Variants in MACF1 observed in about 807,000 individuals in gnomAD.
MACF1 encodes microtubule-actin cross-linking factor 1.
A neutral mutation model predicts 854.8 loss-of-function variants in MACF1; 193 were observed. The observed-to-expected ratio is 0.23, with a 90% CI of 0.20 to 0.25. MACF1 has a LOEUF of 0.25. Ranked by LOEUF, MACF1 falls within the 10% of genes least tolerant of loss-of-function variation. The pLI, the probability that MACF1 is intolerant of heterozygous loss-of-function variation, is 1.00. For missense variants in MACF1, 7,722 were observed against 8,929.1 expected (o/e 0.86, Z 5.45); for synonymous variants, 3,185 against 3,226.7 (o/e 0.99, Z 0.44).
At chr1:39,377,505 A>G (rs1649824820) in intron 52 of MACF1, among the ~76,000 whole-genome samples, 1 of 152,150 alleles carries the variant, frequency 6.6e-6, no homozygotes, top group African/African-American at 2.4e-5. Context: ...GGGAGAATGT[A>G]TGTGAAATTA....
In MACF1 at chr1:39,105,785, G is replaced by T. The variant is rs1009129922; in HGVS notation, c.220+21347G>T. ...GCAGCGTGGCCTTCGGAGCCGGTCG[G>T]CTCGGCGGCTGCAGGTGGGGCGGCC... On this transcript the variant is annotated intron_variant, in intron 2 of 93. Transcript: ENST00000361689. This position sits in a 1 kb window ranked among gnomAD's most constrained non-coding sequence, Gnocchi z 5.9. 1 of 1,014,204 alleles carries T rather than the reference G, an allele frequency of 9.9e-7. No individual in the cohort carries two copies. Among genetic ancestry groups the T allele is most frequent in the African/African-American group, 1.7e-5 (1 of 57,416 alleles). 62.8% of individuals were successfully genotyped at this position (1,014,204 alleles called of 1,614,324 possible).
At chr1:39,375,234 AACTT>A (rs1239165536) in intron 52 of MACF1, among the ~76,000 whole-genome samples, 4 of 152,178 alleles carry the variant, frequency 2.6e-5, no homozygotes, top group African/African-American at 9.7e-5. Flanking sequence ...TATTGAGACT[AACTT>A]AACGAATATA....
intron 40 of MACF1, among the ~76,000 whole-genome samples, chr1:39,341,702 A>G (rs1646939335): frequency 6.6e-6 from 1 of 151,774 alleles, no homozygotes; most frequent in Non-Finnish European, 1.5e-5. Flanking sequence ...CCGTCTTAAA[A>G]TAAAAAAAAT....
intron 2 of MACF1, among the ~76,000 whole-genome samples, chr1:39,187,878 C>CTG (rs1354060649): frequency 2.3e-4 from 18 of 77,010 alleles, no homozygotes; most frequent in African/African-American, 7.5e-4. Flanking sequence ...CTCTCTCTCT[C>CTG]TCTGTCTCTC....
At chr1:39,272,135 T>G (rs1318679971) in intron 6 of MACF1, among the ~76,000 whole-genome samples, 1 of 152,310 alleles carries the variant, frequency 6.6e-6, no homozygotes, top group East Asian at 1.9e-4. Flanking sequence ...CCAGGTTTTG[T>G]GTCCATCATG....
intron 2 of MACF1, among the ~76,000 whole-genome samples, chr1:39,242,578 AT>A (rs1460771673): frequency 1.3e-5 from 2 of 151,848 alleles, no homozygotes; most frequent in African/African-American, 4.8e-5. Context: ...GCAAAACCCC[AT>A]CTCTACAAAG....
intron 26 of MACF1, among the ~76,000 whole-genome samples, chr1:39,314,819 A>G (rs935477098): frequency 9.2e-5 from 14 of 152,218 alleles, no homozygotes; most frequent in Middle Eastern, 3.2e-3. Context: ...CTACCAAACT[A>G]GAGTTTAACA....
chr1:39,466,848 G>A (rs1404997023), intron 95 of MACF1, among the ~76,000 whole-genome samples: 1 of 152,176 alleles, frequency 6.6e-6, no homozygotes, highest in Non-Finnish European at 1.5e-5. Flanking sequence ...TGAAAGGTGT[G>A]GGACTTCTTT....
intron 2 of MACF1, among the ~76,000 whole-genome samples, chr1:39,149,452 G>A (rs1004777447): frequency 6.6e-6 from 1 of 151,908 alleles, no homozygotes; most frequent in Non-Finnish European, 1.5e-5. Flanking sequence ...CACTTGAACC[G>A]GGGAGGCGGA....
At chr1:39,088,858 T>C (rs2148118857) in intron 2 of MACF1, among the ~76,000 whole-genome samples, 1 of 152,308 alleles carries the variant, frequency 6.6e-6, no homozygotes, top group Non-Finnish European at 1.5e-5. Flanking sequence ...ACATTTATTA[T>C]TACAAGTTTC....
chr1:39,192,239 G>A, intron 2 of MACF1, among the ~76,000 whole-genome samples: 1 of 152,254 alleles, frequency 6.6e-6, no homozygotes, highest in Non-Finnish European at 1.5e-5. Flanking sequence ...GAGGATGCAC[G>A]CTGGGGAAAG....
chr1:39,329,806 C>G (rs1417684154), intron 36 of MACF1, among the ~76,000 whole-genome samples: 1 of 152,170 alleles, frequency 6.6e-6, no homozygotes, highest in Non-Finnish European at 1.5e-5. Flanking sequence ...GGAGCTGTTT[C>G]TAGGATTTGC....
chr1:39,463,848 C>T lies in MACF1; in HGVS notation c.21753+162C>T. On this transcript the variant is annotated intron_variant, in intron 94 of 100. Coordinates refer to ENST00000564288, the MANE Select transcript of MACF1 (RefSeq NM_001394062.1). The stretch of plus-strand genomic sequence containing the variant: ...ATGCCAAGTGTCAGGTACCCTGTTA[C>T]ATCTGAAAACTAGTCCCATATCTAC... 6.8e-6 allele frequency: 4 copies of T among 586,738 alleles called. No individual in the cohort carries two copies. In the East Asian group the frequency reaches 8.9e-5, roughly 13 times the overall value. The allele number at this position is 586,738 out of a possible 1,614,324, so 36.3% of individuals were successfully genotyped here.
chr1:39,277,557 G>A (rs1161210211), intron 6 of MACF1, among the ~76,000 whole-genome samples: 1 of 152,060 alleles, frequency 6.6e-6, no homozygotes, highest in Non-Finnish European at 1.5e-5. Flanking sequence ...AAAATATTTG[G>A]GATAATCATA....
At chr1:39,236,946 C>T (rs1200691267) in intron 2 of MACF1, among the ~76,000 whole-genome samples, 1 of 152,166 alleles carries the variant, frequency 6.6e-6, no homozygotes, top group Non-Finnish European at 1.5e-5. Context: ...TGAGCCACCG[C>T]GTCCAGCCGT....
chr1:39,426,000 T>A (rs1643715147), intron 61 of MACF1, among the ~76,000 whole-genome samples: 1 of 152,182 alleles, frequency 6.6e-6, no homozygotes, highest in Admixed American at 6.5e-5. Flanking sequence ...TTCTAAATTA[T>A]TTTTAGCTCT....
chr1:39,415,423 C>T (rs1276867452), intron 58 of MACF1, among the ~76,000 whole-genome samples: 1 of 151,070 alleles, frequency 6.6e-6, no homozygotes, highest in Non-Finnish European at 1.5e-5. Flanking sequence ...GCAAGCTCCA[C>T]CTCCCGGGTT....
chr1:39,295,712 T>C, intron 19 of MACF1, 75 bp from the exon 20 acceptor site: 2 of 1,077,868 alleles, frequency 1.9e-6, no homozygotes, highest in Non-Finnish European at 2.7e-6. Flanking sequence ...GAGTTGTACT[T>C]GGAAAATAGT....
chr1:39,407,745 C>G (rs1307057278), intron 58 of MACF1, among the ~76,000 whole-genome samples: 1 of 152,212 alleles, frequency 6.6e-6, no homozygotes, highest in Non-Finnish European at 1.5e-5. Flanking sequence ...TCTTCATACA[C>G]CAGGTGTTGG....
Sources: allele counts gnomAD v4.1 joint callset (sites outside exome capture counted in the v4.1 genomes callset), GRCh38; gene constraint gnomAD v4.1.1; non-coding constraint Gnocchi (gnomAD v3.1); transcripts MANE v1.5; gene names NCBI Gene and HGNC (gene_info 2026-07-23, HGNC 2026-07-21).